STAM2: variants seen among roughly 807,000 people sequenced by gnomAD.
STAM2 encodes signal transducing adaptor molecule 2, also known as signal transducing adapter molecule 2.
A neutral mutation model predicts 65.6 loss-of-function variants in STAM2; 51 were observed. The ratio of observed to expected loss-of-function variants is 0.78; its 90% CI spans 0.62 to 0.98. The LOEUF (loss-of-function observed/expected upper bound fraction) is 0.98, where lower values mean the gene tolerates loss of function less well. STAM2 is among the 50% of genes least tolerant of loss of function. The probability of loss-of-function intolerance (pLI) is 0.00; values close to 1 mark genes in which losing one functional copy is unlikely to be tolerated. For synonymous variants in STAM2, 198 were observed against 208.4 expected (o/e 0.95, Z 0.43); for missense variants, 584 against 617.8 (o/e 0.95, Z 0.58).
At chr2:152,134,324 G>C (rs1454286877) in intron 8 of STAM2, among the ~76,000 whole-genome samples, 4 of 152,118 alleles carry the variant, frequency 2.6e-5, no homozygotes, top group Non-Finnish European at 2.9e-5. Flanking sequence ...CTATGTCAAG[G>C]AGAAACTGCT....
chr2:152,126,865 A>G (rs1688972412), intron 11 of STAM2, among the ~76,000 whole-genome samples: 1 of 152,178 alleles, frequency 6.6e-6, no homozygotes, highest in Non-Finnish European at 1.5e-5. Context: ...CGGAGTCTTC[A>G]TTTGCAAAGA....
intron 1 of STAM2, among the ~76,000 whole-genome samples, chr2:152,173,028 T>C (rs1032675655): frequency 6.6e-6 from 1 of 152,036 alleles, no homozygotes. Flanking sequence ...TGTAGCACTA[T>C]ACTTATCGTA....
intron 7 of STAM2, among the ~76,000 whole-genome samples, chr2:152,138,752 A>G (rs1689198461): frequency 6.6e-6 from 1 of 152,244 alleles, no homozygotes; most frequent in South Asian, 2.1e-4. Flanking sequence ...ATATCTGCAA[A>G]TATCTATGGA....
At chr2:152,146,912 G>T (rs1337071783) in intron 5 of STAM2, among the ~76,000 whole-genome samples, 1 of 152,138 alleles carries the variant, frequency 6.6e-6, no homozygotes, top group Non-Finnish European at 1.5e-5. Flanking sequence ...TATGCCTTTT[G>T]CATGACTGTA....
rs139691016 is a variant in STAM2, at chr2:152,127,719, C to T, written c.1026-1340G>A. Reference sequence around the variant, plus strand: ...TTGATTTTGAGAAAGTAAACCAATGCTTTATTATGTAATAACAACAAACCC... The same window carrying T: ...TTGATTTTGAGAAAGTAAACCAATGTTTTATTATGTAATAACAACAAACCC... On this transcript the variant is annotated intron_variant, in intron 11 of 13. Transcript: ENST00000263904. Among the ~76,000 whole-genome samples the T allele has an allele frequency of 3.5e-4, 53 of 152,216 alleles. No individual in the cohort carries two copies. The East Asian group carries it at 9.9e-3, about 28-fold the overall frequency.
chr2:152,121,124 A>G (rs1280121343), intron 13 of STAM2, among the ~76,000 whole-genome samples: 1 of 152,110 alleles, frequency 6.6e-6, no homozygotes, highest in African/African-American at 2.4e-5. Context: ...AATTTAAATT[A>G]GTCCCAACTA....
chr2:152,165,236 T>C (rs1031151713), intron 1 of STAM2, among the ~76,000 whole-genome samples: 56 of 151,806 alleles, frequency 3.7e-4, no homozygotes, highest in African/African-American at 1.3e-3. Flanking sequence ...CGAGCCTGGC[T>C]AACACAGCGA....
intron 8 of STAM2, among the ~76,000 whole-genome samples, chr2:152,134,111 T>C (rs1365562054): frequency 6.6e-6 from 1 of 152,094 alleles, no homozygotes; most frequent in African/African-American, 2.4e-5. Context: ...CCCTGGAGTA[T>C]TGCTAGAATG....
At chr2:152,150,354 C>A (rs1689419706) in intron 1 of STAM2, 125 bp from the exon 2 acceptor site, 4 of 545,510 alleles carry the variant, frequency 7.3e-6, no homozygotes, top group Non-Finnish European at 1.3e-5. Flanking sequence ...AGACGACCTT[C>A]AGAAGACAAA....
In STAM2 at chr2:152,170,794, G is replaced by A. The variant is rs181962164; in HGVS notation, c.40+4809C>T. On this transcript the variant is annotated intron_variant, in intron 1 of 13. Transcript: ENST00000263904. ...GCAGATCACCTAAGGTCAGGAGTTC[G>A]AAACTGGCATGGCCAACATGGCGAA... 8.0e-4 allele frequency among the ~76,000 whole-genome samples: 122 copies of A among 152,286 alleles called. 1 individual carries two copies. Among genetic ancestry groups the A allele is most frequent in the Admixed American group, 1.2e-3 (19 of 15,298 alleles).
chr2:152,144,104 C>A, intron 6 of STAM2, 91 bp from the exon 7 acceptor site: 9 of 1,004,358 alleles, frequency 9.0e-6, no homozygotes, highest in East Asian at 8.6e-5. Context: ...AAGAATAAAT[C>A]AAGCATTTTA....
chr2:152,122,022 T>C (rs1364917471), intron 13 of STAM2, among the ~76,000 whole-genome samples: 3 of 150,690 alleles, frequency 2.0e-5, no homozygotes, highest in Non-Finnish European at 4.4e-5. Context: ...CACTCCAGCC[T>C]GGGTGACAGA....
chr2:152,126,264 C>A lies in STAM2; in HGVS notation c.1141G>T (p.Ala381Ser). Reference sequence around the variant, plus strand: ...CCAGATGATGCAGGTGGGTAATGTGCTGGAGGGTGGAGCTTTGAATAGACT... The same window carrying A: ...CCAGATGATGCAGGTGGGTAATGTGATGGAGGGTGGAGCTTTGAATAGACT... Reference protein sequence around the residue: ...YSVYSKLHPPAHYPPASSGVP... With the variant: ...YSVYSKLHPPSHYPPASSGVP... The change falls in exon 12 of 14, where the codon GCA (alanine) becomes TCA (serine). Residue 381 changes from alanine (A) to serine (S), a missense_variant. Physicochemically the swap from Ala to Ser is moderately conservative, Grantham distance 99. Coordinates refer to ENST00000263904, the MANE Select transcript of STAM2 (RefSeq NM_005843.6). The A allele has an allele frequency of 6.2e-7, 1 of 1,610,792 alleles. No individual in the cohort carries two copies. Among genetic ancestry groups the A allele is most frequent in the Non-Finnish European group, 8.5e-7 (1 of 1,178,378 alleles).
intron 1 of STAM2, among the ~76,000 whole-genome samples, chr2:152,159,427 T>C (rs954718461): frequency 1.3e-5 from 2 of 152,142 alleles, no homozygotes; most frequent in Non-Finnish European, 2.9e-5. Context: ...TAGCTTTTAC[T>C]AAAGATAGAA....
Position 152,150,229 on chromosome 2 carries a change from T to C in STAM2, c.41A>G (p.Glu14Gly). ...AGTGTTGTACTCATTCGTGGCTTTTTCTATAAAATATATTGGCATACACAA... is the reference window on the plus strand; with the variant it reads ...AGTGTTGTACTCATTCGTGGCTTTTCCTATAAAATATATTGGCATACACAA... ...FTANPFEQDV[E>G]KATNEYNTTE... Residue 14 changes from glutamate (E) to glycine (G), a missense_variant and splice_region_variant, in exon 2 of 14, where the codon GAA becomes GGA. By Grantham distance (98) the Glu-to-Gly change is moderately conservative. Coordinates refer to ENST00000263904, the MANE Select transcript of STAM2 (RefSeq NM_005843.6). 2 of 1,603,860 alleles carry C rather than the reference T, an allele frequency of 1.2e-6. No individual in the cohort carries two copies. Among genetic ancestry groups the C allele is most frequent in the African/African-American group, 1.3e-5 (1 of 74,860 alleles).
In STAM2 at chr2:152,164,912, T is replaced by C. The variant is rs572895901; in HGVS notation, c.40+10691A>G. Among the ~76,000 whole-genome samples the C allele has an allele frequency of 4.1e-4, 62 of 152,292 alleles. No individual in the cohort carries two copies. The South Asian group carries it at 0.012, about 31-fold the overall frequency. On this transcript the variant is annotated intron_variant, in intron 1 of 13. Transcript: ENST00000263904. Reference sequence around the variant, plus strand: ...AAAATCCTGGGGCCAGCCTTTATTTTCCTACAAGTTCACTTTCTTCTTGGC... The same window carrying C: ...AAAATCCTGGGGCCAGCCTTTATTTCCCTACAAGTTCACTTTCTTCTTGGC...
rs143132584 is a variant in STAM2 at position 152,168,612 on chromosome 2, A to C, written c.40+6991T>G. ...TTGACTTACTTACAAATTATACATA[A>C]GCTTATCATTAAATGTTATTAAGGA... On this transcript the variant is annotated intron_variant, in intron 1 of 13. Transcript: ENST00000263904. Among the ~76,000 whole-genome samples, 7 of 152,362 alleles carry C rather than the reference A, an allele frequency of 4.6e-5. No homozygotes were observed. The East Asian group carries it at 1.2e-3, about 25-fold the overall frequency.
At chr2:152,133,136 A>C in intron 10 of STAM2, 37 bp downstream of exon 10, 5 of 1,074,508 alleles carry the variant, frequency 4.7e-6, no homozygotes, top group Non-Finnish European at 6.2e-6. Flanking sequence ...TAAAATATTA[A>C]ATAATATTAA....
chr2:152,150,173 A>T lies in STAM2; in HGVS notation c.97T>A (p.Cys33Ser). The change falls in exon 2 of 14, where the codon TGT becomes AGT. Residue 33 changes from cysteine (C) to serine (S), a missense_variant. Physicochemically the swap from Cys to Ser is moderately radical, Grantham distance 112. Transcript: ENST00000263904. ...TEDWSLIMDI[C>S]DKVGSTPNGA... is the part of the protein sequence containing the mutation. ...TTAGGAGTACTTCCAACTTTGTCAC[A>T]TATGTCCATAATAAGACTCCAATCT... 1 of 1,613,600 alleles carries T rather than the reference A, an allele frequency of 6.2e-7. No individual in the cohort carries two copies.
Sources: gnomAD v4.1 joint callset for allele counts (sites outside exome capture counted in the v4.1 genomes callset) on GRCh38, gnomAD v4.1.1 for gene constraint, MANE v1.5 for transcripts, NCBI Gene and HGNC (gene_info 2026-07-23, HGNC 2026-07-21) for gene names.